The following BABAM2 variants were observed in gnomAD, a reference collection of about 807,000 sequenced individuals.
BABAM2 encodes BRISC and BRCA1-A complex member 2.
A neutral mutation model predicts 54.7 loss-of-function variants in BABAM2; 31 were observed. The observed-to-expected ratio is 0.57, with a 90% CI of 0.43 to 0.77. The LOEUF (loss-of-function observed/expected upper bound fraction) is 0.77, where lower values mean the gene tolerates loss of function less well. Among genes scored for constraint, BABAM2 ranks in the 30% least tolerant of loss-of-function variants. The pLI, the probability that BABAM2 is intolerant of heterozygous loss-of-function variation, is 0.00. For synonymous variants in BABAM2, 167 were observed against 162.9 expected, an observed-to-expected ratio of 1.03 and a Z score of -0.19; for missense variants, 364 against 455.8, an observed-to-expected ratio of 0.80 and a Z score of 1.83.
chr2:27,888,904 T>G (rs866249869), upstream of BABAM2, among the ~76,000 whole-genome samples: 7 of 152,354 alleles, frequency 4.6e-5, no homozygotes, highest in African/African-American at 1.7e-4. Context: ...TACAGGCCTC[T>G]TCAACAAATG....
chr2:28,235,343 A>C (rs946885888), intron 7 of BABAM2, among the ~76,000 whole-genome samples: 6 of 150,600 alleles, frequency 4.0e-5, no homozygotes, highest in Non-Finnish European at 8.9e-5. Flanking sequence ...CGCCCAGCTA[A>C]TTTTTCTATT....
At chr2:28,254,967 C>G (rs558781011) in intron 10 of BABAM2, among the ~76,000 whole-genome samples, 1 of 151,860 alleles carries the variant, frequency 6.6e-6, no homozygotes, top group South Asian at 2.1e-4. Context: ...AAACTTCTGG[C>G]CTCTAGTGAA....
intron 10 of BABAM2, among the ~76,000 whole-genome samples, chr2:28,251,488 C>T (rs1206839658): frequency 4.6e-5 from 7 of 152,180 alleles, no homozygotes; most frequent in African/African-American, 1.7e-4. Context: ...GCATTGATGT[C>T]GCACTGTCAC....
At chr2:27,971,757 A>G (rs1185070769) in intron 3 of BABAM2, among the ~76,000 whole-genome samples, 1 of 151,892 alleles carries the variant, frequency 6.6e-6, no homozygotes, top group East Asian at 1.9e-4. Flanking sequence ...TTTTAAAATT[A>G]TATTTAATTC....
rs114524767 is a variant in BABAM2 at position 28,070,109 on chromosome 2, A to G, written c.570+24310A>G. ...ATTTATATATCAAATCCAATTTGAGATATTACGTGGAATCAACTTAAAAGA... is the reference window on the plus strand; with the variant it reads ...ATTTATATATCAAATCCAATTTGAGGTATTACGTGGAATCAACTTAAAAGA... On this transcript the variant is annotated intron_variant, in intron 6 of 11. Coordinates refer to ENST00000379624, the MANE Select transcript of BABAM2 (RefSeq NM_199191.3). Among the ~76,000 whole-genome samples the G allele has an allele frequency of 8.2e-3, 1,255 of 152,372 alleles. 13 individuals are homozygous for G. The highest frequency in any genetic ancestry group is 0.029 in the African/African-American group (1,211 of 41,582).
At chr2:28,166,152 A>G (rs1304370635) in intron 7 of BABAM2, among the ~76,000 whole-genome samples, 1 of 152,160 alleles carries the variant, frequency 6.6e-6, no homozygotes, top group African/African-American at 2.4e-5. Flanking sequence ...CAGCCTCTAC[A>G]GTTGTGAGAA....
intron 10 of BABAM2, among the ~76,000 whole-genome samples, chr2:28,281,439 C>T (rs1024183057): frequency 7.2e-5 from 11 of 152,078 alleles, no homozygotes; most frequent in African/African-American, 2.4e-4. Context: ...TTATCCATGG[C>T]GGAAGTAAAT....
chr2:28,077,501 G>A (rs1433784375), intron 6 of BABAM2, among the ~76,000 whole-genome samples: 1 of 152,132 alleles, frequency 6.6e-6, no homozygotes, highest in Non-Finnish European at 1.5e-5. Context: ...AACTTCTAAG[G>A]ATAAAGGCTG....
At chr2:27,929,340 T>C (rs779827055) in intron 2 of BABAM2, among the ~76,000 whole-genome samples, 5 of 152,206 alleles carry the variant, frequency 3.3e-5, no homozygotes, top group African/African-American at 9.7e-5. Flanking sequence ...AAAGTTATGG[T>C]GTGCCAAATC....
intron 11 of BABAM2, among the ~76,000 whole-genome samples, chr2:28,327,977 C>T (rs994631122): frequency 1.3e-5 from 2 of 152,168 alleles, no homozygotes; most frequent in East Asian, 1.9e-4. Context: ...AGGCTGCCAT[C>T]GCCCGGGGCA....
At chr2:28,166,143 A>G (rs1443387782) in intron 7 of BABAM2, among the ~76,000 whole-genome samples, 3 of 152,214 alleles carry the variant, frequency 2.0e-5, no homozygotes, top group Non-Finnish European at 2.9e-5. Flanking sequence ...TTAGACTTCC[A>G]GCCTCTACAG....
intron 6 of BABAM2, among the ~76,000 whole-genome samples, chr2:28,058,178 T>C: frequency 6.6e-6 from 1 of 151,650 alleles, no homozygotes; most frequent in East Asian, 1.9e-4. Flanking sequence ...AGAACAAGCA[T>C]TTTTTTAGGT....
intron 3 of BABAM2, among the ~76,000 whole-genome samples, chr2:27,952,221 T>G (rs1158286611): frequency 6.6e-6 from 1 of 152,238 alleles, no homozygotes; most frequent in Non-Finnish European, 1.5e-5. Context: ...TTGAGTAGCA[T>G]ATAATTGGAT....
intron 7 of BABAM2, among the ~76,000 whole-genome samples, chr2:28,134,877 A>T (rs139666643): frequency 1.4e-3 from 211 of 152,308 alleles, no homozygotes; most frequent in South Asian, 4.3e-3. Context: ...GCAAGTTGTG[A>T]CTTGTGGATT....
intron 4 of BABAM2, among the ~76,000 whole-genome samples, chr2:28,009,981 G>A (rs2148529494): frequency 6.6e-6 from 1 of 152,202 alleles, no homozygotes; most frequent in African/African-American, 2.4e-5. Context: ...CCTGTTTAAG[G>A]GACTGTGAAG....
At chr2:28,110,573 G>A (rs1667912597) in intron 6 of BABAM2, among the ~76,000 whole-genome samples, 2 of 151,874 alleles carry the variant, frequency 1.3e-5, no homozygotes, top group South Asian at 2.1e-4. Flanking sequence ...GCAGTGAGCC[G>A]AGATTGCGCC....
intron 3 of BABAM2, among the ~76,000 whole-genome samples, chr2:27,951,883 A>G (rs979159769): frequency 1.3e-5 from 2 of 152,174 alleles, no homozygotes; most frequent in Non-Finnish European, 2.9e-5. Flanking sequence ...AGATACTGCA[A>G]TCTCTGACTA....
At chr2:28,167,992 G>A (rs1673899058) in intron 7 of BABAM2, among the ~76,000 whole-genome samples, 1 of 152,148 alleles carries the variant, frequency 6.6e-6, no homozygotes, top group African/African-American at 2.4e-5. Flanking sequence ...AGACCACACA[G>A]CTAGTAAATG....
At chr2:28,043,607 A>T (rs968374505) in intron 5 of BABAM2, among the ~76,000 whole-genome samples, 22 of 152,146 alleles carry the variant, frequency 1.4e-4, no homozygotes, top group Admixed American at 1.4e-3. Context: ...CCCCTTTCAA[A>T]GTATGACCCC....
Sources: allele counts gnomAD v4.1 joint callset (sites outside exome capture counted in the v4.1 genomes callset), GRCh38; gene constraint gnomAD v4.1.1; transcripts MANE v1.5; gene names NCBI Gene and HGNC (gene_info 2026-07-23, HGNC 2026-07-21).